FAM114A2: variants seen among roughly 807,000 people sequenced by gnomAD.
The protein encoded by FAM114A2 is family with sequence similarity 114 member A2.
In FAM114A2, 53 loss-of-function variants were observed where a neutral mutation model predicts 58.4. The ratio of observed to expected loss-of-function variants is 0.91; its 90% CI spans 0.73 to 1.14. The LOEUF (loss-of-function observed/expected upper bound fraction) is 1.14, where lower values mean the gene tolerates loss of function less well. Among genes scored for constraint, FAM114A2 ranks in the 50% most tolerant of loss-of-function variants. FAM114A2 has a pLI of 0.00. For synonymous variants in FAM114A2, 228 were observed against 211.4 expected, an observed-to-expected ratio of 1.08 and a Z score of -0.68; for missense variants, 601 against 581.1, an observed-to-expected ratio of 1.03 and a Z score of -0.35.
At chr5:153,994,837 A>G (rs1351318741) in intron 13 of FAM114A2, 82 bp downstream of exon 13, 1 of 885,394 alleles carries the variant, frequency 1.1e-6, no homozygotes, top group East Asian at 2.4e-5. Flanking sequence ...GAATAAAATA[A>G]AAAAGCCAAA....
At chr5:154,020,056 T>C (rs997709871) in intron 8 of FAM114A2, among the ~76,000 whole-genome samples, 2 of 152,182 alleles carry the variant, frequency 1.3e-5, no homozygotes, top group South Asian at 2.1e-4. Context: ...ACTGGGTACC[T>C]AACAAAATGA....
chr5:153,996,847 A>T (rs1326158206), intron 12 of FAM114A2, among the ~76,000 whole-genome samples: 1 of 151,896 alleles, frequency 6.6e-6, no homozygotes, highest in Non-Finnish European at 1.5e-5. Context: ...AAATACAAAA[A>T]TTGGCTGGGC....
chr5:154,021,962 C>A (rs1333655482), intron 8 of FAM114A2, among the ~76,000 whole-genome samples: 1 of 152,174 alleles, frequency 6.6e-6, no homozygotes, highest in African/African-American at 2.4e-5. Context: ...ACCAATGGAA[C>A]AGAACAGAGG....
rs1204302225 is a variant in FAM114A2, at chr5:154,026,548, TG to T, written c.790-27del. On this transcript the variant is annotated intron_variant, in intron 7 of 13. Coordinates refer to ENST00000351797, the MANE Select transcript of FAM114A2 (RefSeq NM_018691.4). ...CTGAATGGATACAAGAACAAAATGT[TG>T]TAGGAGTATGAAAGAAAAGAAAAAC... 3.5e-6 allele frequency: 5 copies of T among 1,416,416 alleles called. No individual in the cohort carries two copies. In the Admixed American group the frequency reaches 1.1e-4, roughly 31 times the overall value. The allele number at this position is 1,416,416 out of a possible 1,614,324, so 87.7% of individuals were successfully genotyped here.
Position 154,022,199 on chromosome 5 carries a change from C to T in FAM114A2, c.913+4200G>A, listed in dbSNP as rs1001249459. On this transcript the variant is annotated intron_variant, in intron 8 of 13. Transcript: ENST00000351797. ...TAAAAACCCTAGAAGAAAACCTAGG[C>T]GATACCATTCAGGACATAGGCATGG... is the stretch of plus-strand genomic sequence containing the variant. Among the ~76,000 whole-genome samples the T allele has an allele frequency of 1.6e-4, 25 of 152,242 alleles. 1 individual carries two copies. Among genetic ancestry groups the T allele is most frequent in the Admixed American group, 6.5e-5 (1 of 15,292 alleles).
At chr5:154,012,907 T>C (rs1770795212) in intron 8 of FAM114A2, among the ~76,000 whole-genome samples, 1 of 152,066 alleles carries the variant, frequency 6.6e-6, no homozygotes, top group Non-Finnish European at 1.5e-5. Context: ...GACTTTTTTA[T>C]TTATAGAGAT....
intron 8 of FAM114A2, among the ~76,000 whole-genome samples, chr5:154,013,384 CCT>C (rs1770826836): frequency 6.6e-6 from 1 of 152,156 alleles, no homozygotes; most frequent in Admixed American, 6.5e-5. Context: ...TATTCTCTCC[CCT>C]CTGATACCAC....
intron 8 of FAM114A2, among the ~76,000 whole-genome samples, chr5:154,013,285 G>C (rs1303137545): frequency 2.0e-5 from 3 of 152,208 alleles, no homozygotes; most frequent in Non-Finnish European, 4.4e-5. Flanking sequence ...GAAAAAAGGA[G>C]TCAGGTACAT....
At chr5:154,017,277 T>C (rs925901201) in intron 8 of FAM114A2, among the ~76,000 whole-genome samples, 2 of 152,076 alleles carry the variant, frequency 1.3e-5, no homozygotes, top group African/African-American at 4.8e-5. Context: ...ACCCCGTCTC[T>C]ACTAAAAATA....
intron 11 of FAM114A2, among the ~76,000 whole-genome samples, chr5:153,998,248 A>G (rs1318051384): frequency 6.6e-6 from 1 of 152,200 alleles, no homozygotes; most frequent in East Asian, 1.9e-4. Context: ...AGCTATTAAT[A>G]TTAGCCATCT....
At chr5:154,002,437 GGAAA>G (rs753922199) in intron 10 of FAM114A2, 47 bp from the exon 11 acceptor site, 1 of 1,593,438 alleles carries the variant, frequency 6.3e-7, no homozygotes, top group South Asian at 1.1e-5. Flanking sequence ...AACATTTGGT[GGAAA>G]GATACCACCT....
rs561638008 is a variant in FAM114A2, at chr5:153,993,005, G to C, written c.1489C>G (p.Gln497Glu). 8 of 1,611,754 alleles carry C rather than the reference G, an allele frequency of 5.0e-6. No homozygotes were observed. The South Asian group carries it at 8.8e-5, about 18-fold the overall frequency. ...NKIESHRHEL[Q>E]GQKPLLEH The stretch of plus-strand genomic sequence containing the variant: ...TGTTCTAACAAAGGTTTCTGGCCCT[G>C]CAGCTCATGTCTGTGTGATTCAATC... Residue 497 changes from glutamine to glutamate, a missense_variant, in exon 14 of 14, where the codon CAG becomes GAG. By Grantham distance (29) the Gln-to-Glu change is conservative. Coordinates refer to ENST00000351797, the MANE Select transcript of FAM114A2 (RefSeq NM_018691.4).
In FAM114A2 at chr5:153,993,101, T is replaced by C; in HGVS notation, c.1393A>G (p.Ser465Gly). 6.2e-7 allele frequency: 1 copy of C among 1,607,826 alleles called. No individual in the cohort carries two copies. Among genetic ancestry groups the C allele is most frequent in the Non-Finnish European group, 8.5e-7 (1 of 1,176,886 alleles). The part of the protein sequence containing the change: ...ITAVFLEASN[S>G]ASYIQDAFQL... Reference sequence around the variant, plus strand: ...AAGGCGTCCTGGATGTAGGAGGCACTGTTTGATGCCTGCCAGGATTGAAAA... The same window carrying C: ...AAGGCGTCCTGGATGTAGGAGGCACCGTTTGATGCCTGCCAGGATTGAAAA... The change falls in exon 14 of 14, where the codon AGT becomes GGT. Residue 465 changes from serine (S) to glycine (G), a missense_variant. Ser to Gly is a moderately conservative substitution (Grantham distance 56). Coordinates refer to ENST00000351797, the MANE Select transcript of FAM114A2 (RefSeq NM_018691.4).
chr5:154,024,132 T>G (rs1475514019), intron 8 of FAM114A2, among the ~76,000 whole-genome samples: 1 of 152,184 alleles, frequency 6.6e-6, no homozygotes, highest in African/African-American at 2.4e-5. Context: ...GAAATAAAGA[T>G]GTACAATTCT....
chr5:154,002,448 A>C (rs1289515271), intron 10 of FAM114A2, 58 bp from the exon 11 acceptor site: 3 of 1,557,470 alleles, frequency 1.9e-6, no homozygotes, highest in Non-Finnish European at 2.7e-6. Flanking sequence ...GAAAGATACC[A>C]CCTTACTTCT....
At chr5:154,029,023 TA>T (rs1771994999) in intron 5 of FAM114A2, among the ~76,000 whole-genome samples, 1 of 152,198 alleles carries the variant, frequency 6.6e-6, no homozygotes, top group Non-Finnish European at 1.5e-5. Flanking sequence ...TAAAAAAAAC[TA>T]GCTATCTATC....
At chr5:154,001,763 G>A (rs924322987) in intron 11 of FAM114A2, among the ~76,000 whole-genome samples, 1 of 152,122 alleles carries the variant, frequency 6.6e-6, no homozygotes, top group Non-Finnish European at 1.5e-5. Context: ...AGTCAGACCT[G>A]GGGCTAAATC....
intron 11 of FAM114A2, among the ~76,000 whole-genome samples, chr5:153,999,880 C>G (rs1040273678): frequency 6.6e-6 from 1 of 151,988 alleles, no homozygotes; most frequent in African/African-American, 2.4e-5. Context: ...ATAGAATTAA[C>G]CTAAGTCAGT....
At chr5:154,010,521 C>G (rs1452257540) in intron 9 of FAM114A2, among the ~76,000 whole-genome samples, 1 of 152,102 alleles carries the variant, frequency 6.6e-6, no homozygotes, top group Non-Finnish European at 1.5e-5. Context: ...CAATAGCTCT[C>G]ACCTCTCCCT....
Sources: allele counts gnomAD v4.1 joint callset (sites outside exome capture counted in the v4.1 genomes callset), GRCh38; gene constraint gnomAD v4.1.1; transcripts MANE v1.5; gene names NCBI Gene and HGNC (gene_info 2026-07-23, HGNC 2026-07-21).